Variants in DDX23 observed in about 807,000 individuals in gnomAD.
DDX23 encodes the protein probable ATP-dependent RNA helicase DDX23.
A neutral mutation model predicts 102.7 loss-of-function variants in DDX23; 33 were observed. That is an observed-to-expected ratio of 0.32 (90% CI 0.24 to 0.43). DDX23 has a LOEUF of 0.43. Ranked by LOEUF, DDX23 falls within the 20% of genes least tolerant of loss-of-function variation. DDX23 has a pLI of 1.00. For missense variants in DDX23, 549 were observed against 1,086.6 expected (o/e 0.51, Z 6.96); for synonymous variants, 352 against 376.0 (o/e 0.94, Z 0.74).
intron 2 of DDX23, among the ~76,000 whole-genome samples, chr12:48,845,058 A>G (rs1039516051): frequency 1.3e-5 from 2 of 151,290 alleles, no homozygotes; most frequent in South Asian, 4.2e-4. Flanking sequence ...AGGCTGAGGC[A>G]GGAGAATTGC....
chr12:48,835,176 C>A, intron 11 of DDX23: 1 of 265,234 alleles, frequency 3.8e-6, no homozygotes, highest in Non-Finnish European at 8.1e-6. Flanking sequence ...TGGGAGGCAA[C>A]GGTTGCTGTA....
At chr12:48,847,183 G>A (rs1199848219) in intron 1 of DDX23, 1 of 152,200 alleles carries the variant, frequency 6.6e-6, no homozygotes, top group African/African-American at 2.4e-5. Flanking sequence ...AGAAATGACT[G>A]ATTGTTCTGT....
At chr12:48,845,247 G>A (rs1011372644) in intron 2 of DDX23, among the ~76,000 whole-genome samples, 21 of 151,584 alleles carry the variant, frequency 1.4e-4, no homozygotes, top group Admixed American at 3.3e-4. Flanking sequence ...TCAGGAGATC[G>A]AGACCATCCT....
chr12:48,842,445 A>G (rs1592203306), intron 3 of DDX23, among the ~76,000 whole-genome samples: 4 of 106,368 alleles, frequency 3.8e-5, no homozygotes, highest in Non-Finnish European at 3.8e-5. Flanking sequence ...TCCGGGAGGG[A>G]GGTAGGGGGG....
At chr12:48,850,587 T>C (rs543951955) in intron 1 of DDX23, among the ~76,000 whole-genome samples, 1 of 151,740 alleles carries the variant, frequency 6.6e-6, no homozygotes, top group Non-Finnish European at 1.5e-5. Flanking sequence ...AGAAAAAAAA[T>C]AGAGAAGAAG....
chr12:48,837,700 G>A, intron 6 of DDX23, 43 bp from the exon 7 acceptor site: 1 of 1,609,514 alleles, frequency 6.2e-7, no homozygotes, highest in Non-Finnish European at 8.5e-7. Flanking sequence ...GCTCATGGAA[G>A]AAAAGAGGAG....
At chr12:48,831,781 CT>C (rs1938391647) in intron 15 of DDX23, 1 of 489,234 alleles carries the variant, frequency 2.0e-6, no homozygotes, top group Admixed American at 3.6e-5. Context: ...TTCACCTACT[CT>C]TTTCTACATC....
chr12:48,832,283 T>A lies in DDX23; in HGVS notation c.1956-97A>T. 1.9e-6 allele frequency: 3 copies of A among 1,545,240 alleles called. No individual in the cohort carries two copies. Among genetic ancestry groups the A allele is most frequent in the South Asian group, 2.3e-5 (2 of 87,128 alleles). On this transcript the variant is annotated intron_variant, in intron 14 of 16. Coordinates refer to ENST00000308025, the MANE Select transcript of DDX23 (RefSeq NM_004818.3). The surrounding 1 kb of genome is among the most constrained non-coding windows in gnomAD (Gnocchi z 4.4). Reference sequence around the variant, plus strand: ...TGAACACTACTTTCAGGGTCTTTAATGCCCATGACATTCTGCCCAAGAAAA... The same window carrying A: ...TGAACACTACTTTCAGGGTCTTTAAAGCCCATGACATTCTGCCCAAGAAAA...
At chr12:48,848,840 C>T (rs1938712393) in intron 1 of DDX23, among the ~76,000 whole-genome samples, 1 of 151,652 alleles carries the variant, frequency 6.6e-6, no homozygotes, top group Non-Finnish European at 1.5e-5. Flanking sequence ...CAACCTCCAC[C>T]TCCCAGGTTC....
Position 48,844,060 on chromosome 12 carries a change from CG to C in DDX23, c.210-11del, listed in dbSNP as rs1187598628. On this transcript the variant is annotated splice_polypyrimidine_tract_variant and intron_variant, in intron 2 of 16. Coordinates refer to ENST00000308025, the MANE Select transcript of DDX23 (RefSeq NM_004818.3). Reference sequence around the variant, plus strand: ...TTTGTGCCGTCGTTCTCTGGAAGACCGCAAATTTAAGAGTTCACTTGGTATT... The same window carrying C: ...TTTGTGCCGTCGTTCTCTGGAAGACCCAAATTTAAGAGTTCACTTGGTATT... 6.2e-7 allele frequency: 1 copy of C among 1,613,580 alleles called. No individual in the cohort carries two copies. The highest frequency in any genetic ancestry group is 1.7e-5 in the Admixed American group (1 of 59,964).
rs371243993 is a variant in DDX23, at chr12:48,830,744, C to T, written c.2240-52G>A. On this transcript the variant is annotated intron_variant, in intron 16 of 16. Coordinates refer to ENST00000308025, the MANE Select transcript of DDX23 (RefSeq NM_004818.3). This position sits in a 1 kb window ranked among gnomAD's most constrained non-coding sequence, Gnocchi z 4.9. ...GCATAGCCCAGATGCCCTGGGGAGC[C>T]GTGTCTGATGCCTCCACTTCTAGAG... 7 of 1,521,174 alleles carry T rather than the reference C, an allele frequency of 4.6e-6. No individual in the cohort carries two copies. Among genetic ancestry groups the T allele is most frequent in the Admixed American group, 3.9e-5 (2 of 51,702 alleles). 94.2% of individuals were successfully genotyped at this position (1,521,174 alleles called of 1,614,324 possible). A position where few individuals can be genotyped will look rare whatever the true frequency, so the allele number is the denominator to read the frequency against.
At chr12:48,850,701 A>T (rs1938742583) in intron 1 of DDX23, among the ~76,000 whole-genome samples, 1 of 152,206 alleles carries the variant, frequency 6.6e-6, no homozygotes, top group South Asian at 2.1e-4. Flanking sequence ...GACAAAGAAA[A>T]GCATGGCAAC....
At chr12:48,848,734 GCCA>G (rs1938710275) in intron 1 of DDX23, among the ~76,000 whole-genome samples, 1 of 149,200 alleles carries the variant, frequency 6.7e-6, no homozygotes, top group Admixed American at 6.8e-5. Flanking sequence ...ATAGGCGCAT[GCCA>G]CCACACCTGA....
At chr12:48,839,006 G>A (rs1938505095) in intron 5 of DDX23, among the ~76,000 whole-genome samples, 2 of 152,074 alleles carry the variant, frequency 1.3e-5, no homozygotes, top group African/African-American at 4.8e-5. Context: ...CTCCTGAGTA[G>A]CTGGGACTAC....
rs1938519757 is a variant in DDX23, at chr12:48,839,749, T to C, written c.480+95A>G. The stretch of plus-strand genomic sequence containing the variant: ...CTCTCAGACTTCCAGCCTCCAGAAC[T>C]GTGAGAAAATTAACTTCTGTCGTTG... On this transcript the variant is annotated intron_variant, in intron 5 of 16. Coordinates refer to ENST00000308025, the MANE Select transcript of DDX23 (RefSeq NM_004818.3). The C allele has an allele frequency of 3.1e-6, 4 of 1,289,454 alleles. No homozygotes were observed. In the African/African-American group the frequency reaches 4.5e-5, roughly 14 times the overall value. The allele number at this position is 1,289,454 out of a possible 1,614,324, so 79.9% of individuals were successfully genotyped here. A position where few individuals can be genotyped will look rare whatever the true frequency, so the allele number is the denominator to read the frequency against.
Position 48,832,526 on chromosome 12 carries a change from G to C in DDX23, c.1851C>G (p.Ala617=). 6.2e-6 allele frequency: 10 copies of C among 1,614,144 alleles called. No homozygotes were observed. The highest frequency in any genetic ancestry group is 8.5e-6 in the Non-Finnish European group (10 of 1,180,032). Residue 617 remains alanine, a synonymous_variant, in exon 14 of 17, where the codon GCC becomes GCG. Coordinates refer to ENST00000308025, the MANE Select transcript of DDX23 (RefSeq NM_004818.3). The surrounding 1 kb of genome is among the most constrained non-coding windows in gnomAD (Gnocchi z 4.4). ...CAGCAGGTCGCCGAAGATAGCTCCT[G>C]GCCAGACGCTCCACCGCTGGGGGCA... The part of the protein sequence containing the change: ...ATMPPAVERL[A]RSYLRRPAVV...
At chr12:48,831,348 C>T (rs1324637834) in intron 15 of DDX23, 32 bp from the exon 16 acceptor site, 1 of 1,609,732 alleles carries the variant, frequency 6.2e-7, no homozygotes, top group Admixed American at 1.7e-5. Flanking sequence ...GAAGAGTGAG[C>T]AATGCAATCA....
Position 48,829,842 on chromosome 12 carries a change from C to T in DDX23, c.*627G>A. The T allele has an allele frequency of 4.4e-6, 1 of 227,874 alleles. No individual in the cohort carries two copies. Among genetic ancestry groups the T allele is most frequent in the South Asian group, 6.7e-5 (1 of 14,882 alleles). 14.1% of individuals were successfully genotyped at this position (227,874 alleles called of 1,614,324 possible). ...AGAAAACAGAGATTTCACTCAGTGA[C>T]AAAGATGGACACAGCCAGTTCACCG... is the stretch of plus-strand genomic sequence containing the variant. On this transcript the variant is annotated 3_prime_UTR_variant, in exon 17 of 17. Coordinates refer to ENST00000308025, the MANE Select transcript of DDX23 (RefSeq NM_004818.3).
At position 48,845,561 on chromosome 12, in the gene DDX23, A is replaced by G; in HGVS notation, c.209+13T>C. On this transcript the variant is annotated intron_variant, in intron 2 of 16. Coordinates refer to ENST00000308025, the MANE Select transcript of DDX23 (RefSeq NM_004818.3). ...TCTCCCTTCCCATGTAATAACATAC[A>G]AAGTTACTTTACCTTTCTGCAGATT... The G allele has an allele frequency of 6.2e-7, 1 of 1,614,116 alleles. No homozygotes were observed. Among genetic ancestry groups the G allele is most frequent in the Non-Finnish European group, 8.5e-7 (1 of 1,179,918 alleles).
Sources: gnomAD v4.1 joint callset for allele counts (sites outside exome capture counted in the v4.1 genomes callset) on GRCh38, gnomAD v4.1.1 for gene constraint, Gnocchi (gnomAD v3.1) non-coding constraint, MANE v1.5 for transcripts, NCBI Gene and HGNC (gene_info 2026-07-23, HGNC 2026-07-21) for gene names.